SKOR2: variants seen among roughly 807,000 people sequenced by gnomAD.
The protein encoded by SKOR2 is SKI family transcriptional corepressor 2.
In SKOR2, 47 loss-of-function variants were observed where a neutral mutation model predicts 69.1. That is an observed-to-expected ratio of 0.68 (90% CI 0.54 to 0.87). The LOEUF is 0.87. Among genes scored for constraint, SKOR2 ranks in the 40% least tolerant of loss-of-function variants. The pLI, the probability that SKOR2 is intolerant of heterozygous loss-of-function variation, is 0.00. For missense variants in SKOR2, 1,404 were observed against 1,472.2 expected (o/e 0.95, Z 0.76); for synonymous variants, 717 against 672.6 (o/e 1.07, Z -1.02).
intron 4 of SKOR2, among the ~76,000 whole-genome samples, chr18:47,243,078 T>G (rs908442424): frequency 1.3e-5 from 2 of 152,250 alleles, no homozygotes; most frequent in African/African-American, 4.8e-5. Flanking sequence ...TTCTTGACAG[T>G]GCCACTGAGA....
At position 47,248,311 on chromosome 18, in the gene SKOR2, T is replaced by C. The variant is rs951841972; in HGVS notation, c.873A>G (p.Pro291=). 2.4e-5 allele frequency: 29 copies of C among 1,202,374 alleles called. No homozygotes were observed. The highest frequency in any genetic ancestry group is 4.5e-5 in the Admixed American group (1 of 22,286). 74.5% of individuals were successfully genotyped at this position (1,202,374 alleles called of 1,614,324 possible). A position where few individuals can be genotyped will look rare whatever the true frequency, so the allele number is the denominator to read the frequency against. Residue 291 remains proline (P), a synonymous_variant, in exon 2 of 9, where the codon CCA becomes CCG. Coordinates refer to ENST00000425639, the MANE Select transcript of SKOR2 (RefSeq NM_001278063.4). The surrounding 1 kb of genome is among the most constrained non-coding windows in gnomAD (Gnocchi z 6.4). ...CAGCCAGCTCTGCCAAGGGCGGCGG[T>C]GGCGGCGGCGGCGGCGGGGGCGCAC... ...LLGAPPPPPP[P]PPPLAELAGA...
chr18:47,241,167 A>G (rs910961835), intron 4 of SKOR2, among the ~76,000 whole-genome samples: 4 of 152,222 alleles, frequency 2.6e-5, no homozygotes, highest in Admixed American at 2.6e-4. Context: ...AGTCTAGGAA[A>G]GTACTTATTA....
chr18:47,243,516 C>CT (rs2064258119), intron 4 of SKOR2, among the ~76,000 whole-genome samples: 2 of 152,130 alleles, frequency 1.3e-5, no homozygotes, highest in East Asian at 1.9e-4. Context: ...ATTATAAACC[C>CT]TTTTTTGTGT....
chr18:47,217,078 C>T (rs542078165), intron 7 of SKOR2, among the ~76,000 whole-genome samples: 5 of 152,280 alleles, frequency 3.3e-5, no homozygotes, highest in African/African-American at 1.2e-4. Context: ...TCAAGTAACA[C>T]TGAATCTGCA....
rs57860548 is a variant in SKOR2, at chr18:47,218,589, C to CAAAAAAAAA, written c.2985+1345_2985+1353dup. Among the ~76,000 whole-genome samples, 170 of 88,230 alleles carry CAAAAAAAAA rather than the reference C, an allele frequency of 1.9e-3. 4 individuals carry two copies. Among genetic ancestry groups the CAAAAAAAAA allele is most frequent in the African/African-American group, 7.2e-3 (156 of 21,646 alleles). 57.9% of individuals were successfully genotyped at this position (88,230 alleles called of 152,430 possible). A position where few individuals can be genotyped will look rare whatever the true frequency, so the allele number is the denominator to read the frequency against. The stretch of plus-strand genomic sequence containing the variant: ...TGTGCAGCAGAGTGAGACCCTGTCT[C>CAAAAAAAAA]AAAAAAAAAAAAAAAAAAAAATCTG... On this transcript the variant is annotated intron_variant, in intron 7 of 8. Coordinates refer to ENST00000425639, the MANE Select transcript of SKOR2 (RefSeq NM_001278063.4).
At chr18:47,244,863 C>G (rs761306785) in intron 4 of SKOR2, 45 bp downstream of exon 4, 7 of 1,491,794 alleles carry the variant, frequency 4.7e-6, no homozygotes, top group Admixed American at 2.0e-5. Context: ...CAGCCCCTCT[C>G]CCTGTCATCT....
intron 4 of SKOR2, among the ~76,000 whole-genome samples, chr18:47,235,610 T>G (rs2064218896): frequency 6.6e-6 from 1 of 152,058 alleles, no homozygotes; most frequent in South Asian, 2.1e-4. Context: ...CCAACAGCAG[T>G]GGTTCCACAT....
At chr18:47,232,709 T>C (rs1415856028) in intron 4 of SKOR2, among the ~76,000 whole-genome samples, 2 of 152,208 alleles carry the variant, frequency 1.3e-5, no homozygotes, top group African/African-American at 4.8e-5. Context: ...GAACATACAA[T>C]AAGCACTCAA....
intron 6 of SKOR2, among the ~76,000 whole-genome samples, chr18:47,223,400 C>G (rs1223380508): frequency 1.3e-5 from 2 of 152,088 alleles, no homozygotes; most frequent in African/African-American, 2.4e-5. Flanking sequence ...AAGATGGGAG[C>G]AGAAATTAGT....
chr18:47,230,062 A>G (rs1218961250), intron 6 of SKOR2, among the ~76,000 whole-genome samples: 1 of 152,190 alleles, frequency 6.6e-6, no homozygotes, highest in Non-Finnish European at 1.5e-5. Context: ...GAACAATCTG[A>G]GAATGAAAGT....
At chr18:47,219,862 G>T in intron 7 of SKOR2, 81 bp downstream of exon 7, 2 of 1,260,362 alleles carry the variant, frequency 1.6e-6, no homozygotes, top group Non-Finnish European at 2.2e-6. Context: ...ATGCAAAAAC[G>T]TGAACAGTTT....
chr18:47,227,186 C>T (rs1376441383), intron 6 of SKOR2, among the ~76,000 whole-genome samples: 1 of 151,950 alleles, frequency 6.6e-6, no homozygotes, highest in African/African-American at 2.4e-5. Flanking sequence ...TCTTCCTCCT[C>T]CTTCTCCTTT....
chr18:47,227,304 T>C (rs1376484566), intron 6 of SKOR2, among the ~76,000 whole-genome samples: 4 of 150,936 alleles, frequency 2.7e-5, no homozygotes, highest in South Asian at 2.1e-4. Context: ...TCATTAACCC[T>C]TGGAACCACG....
In SKOR2 at chr18:47,248,979, T is replaced by A; in HGVS notation, c.205A>T (p.Asn69Tyr). 1 of 1,568,516 alleles carries A rather than the reference T, an allele frequency of 6.4e-7. No individual in the cohort carries two copies. Among genetic ancestry groups the A allele is most frequent in the Middle Eastern group, 1.7e-4 (1 of 6,032 alleles). The change falls in exon 2 of 9, where the codon AAC becomes TAC. Residue 69 changes from asparagine to tyrosine, a missense_variant. This residue lies in a region of SKOR2 where 104 missense variants were observed against 95.7 expected (regional missense o/e 1.09). Transcript: ENST00000425639. This position sits in a 1 kb window ranked among gnomAD's most constrained non-coding sequence, Gnocchi z 6.4. ...QERLCLAQIS[N>Y]TLLKNFSYNE... ...TAGCTGAAGTTCTTGAGCAGAGTGT[T>A]GGAGATCTGCGCCAGGCACAGGCGC...
chr18:47,223,005 A>T (rs2144488220), intron 6 of SKOR2, among the ~76,000 whole-genome samples: 1 of 152,306 alleles, frequency 6.6e-6, no homozygotes, highest in African/African-American at 2.4e-5. Flanking sequence ...AAAAACTGAA[A>T]AGGAAAAGAC....
intron 4 of SKOR2, among the ~76,000 whole-genome samples, chr18:47,237,470 G>C (rs1197323360): frequency 6.6e-6 from 1 of 152,210 alleles, no homozygotes; most frequent in Non-Finnish European, 1.5e-5. Flanking sequence ...TGGTGGACAT[G>C]AGAGAGGAGA....
intron 3 of SKOR2, among the ~76,000 whole-genome samples, chr18:47,245,243 T>C (rs1010571402): frequency 6.6e-5 from 10 of 152,184 alleles, no homozygotes; most frequent in African/African-American, 2.4e-4. Flanking sequence ...ATCATTCAAA[T>C]GCAAAGAAGT....
chr18:47,222,808 C>T (rs774839297), intron 6 of SKOR2, among the ~76,000 whole-genome samples: 1 of 152,210 alleles, frequency 6.6e-6, no homozygotes, highest in Non-Finnish European at 1.5e-5. Context: ...GAGGAGGGAA[C>T]AGCTAAGGGC....
intron 4 of SKOR2, among the ~76,000 whole-genome samples, chr18:47,234,178 T>G (rs1394158469): frequency 6.6e-6 from 1 of 152,186 alleles, no homozygotes; most frequent in Non-Finnish European, 1.5e-5. Context: ...AAAACCAGAT[T>G]GTTAATGGTG....
Sources: allele counts gnomAD v4.1 joint callset (sites outside exome capture counted in the v4.1 genomes callset), GRCh38; gene constraint gnomAD v4.1.1; regional missense constraint gnomAD v4.1.1; non-coding constraint Gnocchi (gnomAD v3.1); transcripts MANE v1.5; gene names NCBI Gene and HGNC (gene_info 2026-07-23, HGNC 2026-07-21).